Variants in ANKFN1 observed in about 807,000 individuals in gnomAD.
ANKFN1 encodes ankyrin repeat and fibronectin type III domain containing 1.
A neutral mutation model predicts 108.7 loss-of-function variants in ANKFN1; 74 were observed. The ratio of observed to expected loss-of-function variants is 0.68; its 90% CI spans 0.56 to 0.83. The LOEUF (loss-of-function observed/expected upper bound fraction) is 0.83, where lower values mean the gene tolerates loss of function less well. ANKFN1 is among the 40% of genes least tolerant of loss of function. The pLI is 0.00. For synonymous variants in ANKFN1, 547 were observed against 516.2 expected (o/e 1.06, Z -0.81); for missense variants, 1,505 against 1,382.3 (o/e 1.09, Z -1.41).
chr17:56,327,622 T>C (rs2045557544), intron 4 of ANKFN1, among the ~76,000 whole-genome samples: 5 of 152,160 alleles, frequency 3.3e-5, no homozygotes, highest in Admixed American at 3.3e-4. Context: ...GGCATTCTAA[T>C]AGCAAGGAGA....
intron 4 of ANKFN1, among the ~76,000 whole-genome samples, chr17:56,134,397 T>C (rs1371530599): frequency 3.9e-5 from 6 of 152,106 alleles, no homozygotes. Flanking sequence ...CTCCGGAGAA[T>C]GGGGGCTGGG....
intron 4 of ANKFN1, among the ~76,000 whole-genome samples, chr17:56,116,658 A>G (rs1275128171): frequency 6.6e-6 from 1 of 152,158 alleles, no homozygotes; most frequent in African/African-American, 2.4e-5. Flanking sequence ...AGGCTTTACC[A>G]GAAACAGCTG....
chr17:56,061,143 C>T (rs958979759), intron 4 of ANKFN1, among the ~76,000 whole-genome samples: 1 of 151,528 alleles, frequency 6.6e-6, no homozygotes, highest in African/African-American at 2.4e-5. Flanking sequence ...GATTCAACTT[C>T]TTCCTGGTTT....
intron 4 of ANKFN1, among the ~76,000 whole-genome samples, chr17:56,050,406 AT>A (rs1275566252): frequency 2.2e-5 from 3 of 136,922 alleles, no homozygotes; most frequent in African/African-American, 5.6e-5. Flanking sequence ...ATTAGATCCC[AT>A]TTGTCAATTT....
intron 8 of ANKFN1, among the ~76,000 whole-genome samples, chr17:56,405,146 G>A (rs1029320207): frequency 2.6e-5 from 4 of 152,312 alleles, no homozygotes; most frequent in South Asian, 2.1e-4. Flanking sequence ...GTTGGCCTCC[G>A]GCCGGGAGGT....
chr17:56,427,604 C>T (rs1425782287), intron 8 of ANKFN1, among the ~76,000 whole-genome samples: 2 of 152,006 alleles, frequency 1.3e-5, no homozygotes, highest in Non-Finnish European at 2.9e-5. Context: ...TTAGAGACAA[C>T]TCTGGCCCCT....
chr17:56,210,845 A>G (rs949614476), intron 1 of ANKFN1, among the ~76,000 whole-genome samples: 1 of 152,192 alleles, frequency 6.6e-6, no homozygotes, highest in African/African-American at 2.4e-5. Context: ...AGAATTCACC[A>G]TCACAAGAAC....
intron 4 of ANKFN1, among the ~76,000 whole-genome samples, chr17:56,096,160 C>G (rs1905529268): frequency 6.6e-6 from 1 of 152,296 alleles, no homozygotes; most frequent in African/African-American, 2.4e-5. Flanking sequence ...CCACATTTGT[C>G]CCTTCTCTAC....
chr17:56,350,660 C>G, intron 4 of ANKFN1, 106 bp from the exon 5 acceptor site: 3 of 1,070,794 alleles, frequency 2.8e-6, no homozygotes, highest in Non-Finnish European at 2.8e-6. Context: ...CCTACCAGCT[C>G]TAATATTGTA....
At chr17:56,261,766 GC>G (rs1392101333) in intron 3 of ANKFN1, among the ~76,000 whole-genome samples, 1 of 152,154 alleles carries the variant, frequency 6.6e-6, no homozygotes, top group Non-Finnish European at 1.5e-5. Flanking sequence ...ATTAGATGGT[GC>G]CCACCCGGAC....
intron 8 of ANKFN1, among the ~76,000 whole-genome samples, chr17:56,380,556 C>T (rs1195649053): frequency 9.9e-5 from 15 of 152,194 alleles, no homozygotes; most frequent in Admixed American, 9.8e-4. Flanking sequence ...ACAGACGGCA[C>T]CTGGAAAATC....
intron 4 of ANKFN1, among the ~76,000 whole-genome samples, chr17:56,057,790 A>G (rs2143097804): frequency 6.6e-6 from 1 of 152,260 alleles, no homozygotes; most frequent in Admixed American, 6.5e-5. Context: ...GTCTCAAAAA[A>G]AAAAAATGTG....
intron 3 of ANKFN1, among the ~76,000 whole-genome samples, chr17:56,309,404 T>A (rs1248794663): frequency 6.6e-6 from 1 of 152,212 alleles, no homozygotes; most frequent in South Asian, 2.1e-4. Flanking sequence ...CATCTCCACT[T>A]AATTCCTGAT....
In ANKFN1 at chr17:56,350,688, G is replaced by T. The variant is rs548720068; in HGVS notation, c.189-78G>T. 1.4e-4 allele frequency: 182 copies of T among 1,327,626 alleles called. No individual in the cohort carries two copies. The African/African-American group carries it at 2.4e-3, about 18-fold the overall frequency. The allele number at this position is 1,327,626 out of a possible 1,614,324, so 82.2% of individuals were successfully genotyped here. On this transcript the variant is annotated intron_variant, in intron 4 of 20. Coordinates refer to ENST00000682825, the MANE Select transcript of ANKFN1 (RefSeq NM_001370326.1). ...ATATTGTATTTGGATTCCAGATACT[G>T]ACTGGAGATGATAAAATCATATGTC... is the stretch of plus-strand genomic sequence containing the variant.
intron 3 of ANKFN1, 184 bp downstream of exon 3, chr17:56,228,141 G>A: frequency 3.8e-6 from 2 of 521,784 alleles, no homozygotes; most frequent in Non-Finnish European, 6.6e-6. Context: ...AAACCAATTT[G>A]GAAGCAGATT....
intron 4 of ANKFN1, among the ~76,000 whole-genome samples, chr17:56,063,387 C>A (rs778432559): frequency 6.6e-6 from 1 of 151,804 alleles, no homozygotes; most frequent in Non-Finnish European, 1.5e-5. Context: ...GTACTCCAAT[C>A]AATCATAGGT....
intron 8 of ANKFN1, among the ~76,000 whole-genome samples, chr17:56,427,420 T>G (rs1031649700): frequency 6.6e-6 from 1 of 152,104 alleles, no homozygotes; most frequent in Non-Finnish European, 1.5e-5. Flanking sequence ...CATTGCTGTT[T>G]ATTTTTTTTT....
intron 4 of ANKFN1, among the ~76,000 whole-genome samples, chr17:56,125,831 G>A (rs1906893334): frequency 6.6e-6 from 1 of 152,196 alleles, no homozygotes; most frequent in Non-Finnish European, 1.5e-5. Flanking sequence ...GACAAGAGAG[G>A]GAAGCAGCAA....
intron 4 of ANKFN1, among the ~76,000 whole-genome samples, chr17:56,084,120 A>G (rs1905279826): frequency 1.3e-5 from 2 of 151,166 alleles, no homozygotes; most frequent in South Asian, 4.2e-4. Context: ...GAGAAGCAGG[A>G]AATCTTGACT....
Sources: gnomAD v4.1 joint callset for allele counts (sites outside exome capture counted in the v4.1 genomes callset) on GRCh38, gnomAD v4.1.1 for gene constraint, MANE v1.5 for transcripts, NCBI Gene and HGNC (gene_info 2026-07-23, HGNC 2026-07-21) for gene names.